Variants in ITGAE observed in about 807,000 individuals in gnomAD.
ITGAE encodes the protein integrin subunit alpha E.
Under a neutral mutation model 136.5 loss-of-function variants are expected in ITGAE, and 99 were observed. The observed-to-expected ratio is 0.73, with a 90% CI of 0.62 to 0.86. ITGAE has a LOEUF of 0.86. Ranked by LOEUF, ITGAE falls within the 40% of genes least tolerant of loss-of-function variation. The pLI, the probability that ITGAE is intolerant of heterozygous loss-of-function variation, is 0.00. For synonymous variants in ITGAE, 613 were observed against 591.8 expected, an observed-to-expected ratio of 1.04 and a Z score of -0.52; for missense variants, 1,447 against 1,515.3, an observed-to-expected ratio of 0.95 and a Z score of 0.75.
intron 20 of ITGAE, among the ~76,000 whole-genome samples, chr17:3,737,877 C>A (rs760361747): frequency 2.4e-4 from 36 of 152,030 alleles, no homozygotes; most frequent in Non-Finnish European, 4.7e-4. Flanking sequence ...CACTAGGGGG[C>A]GATGTAGGGC....
intron 26 of ITGAE, chr17:3,724,208 G>A (rs1232334985): frequency 5.0e-6 from 8 of 1,592,882 alleles, no homozygotes; most frequent in Non-Finnish European, 6.8e-6. Context: ...CCAAGGACCG[G>A]CCCAGCCTGA....
Position 3,723,437 on chromosome 17 carries a change from A to C in ITGAE, c.3142-54T>G, listed in dbSNP as rs1222483087. On this transcript the variant is annotated intron_variant, in intron 27 of 30. Coordinates refer to ENST00000263087, the MANE Select transcript of ITGAE (RefSeq NM_002208.5). ...TTCCTTTCCGTGCGGAAAGTCTGAA[A>C]TCTTTTTAACACTTCGGACACAGAG... 3 of 1,343,242 alleles carry C rather than the reference A, an allele frequency of 2.2e-6. No homozygotes were observed. The East Asian group carries it at 6.9e-5, about 31-fold the overall frequency. 83.2% of individuals were successfully genotyped at this position (1,343,242 alleles called of 1,614,324 possible).
chr17:3,768,793 T>C (rs1484850860), intron 2 of ITGAE, among the ~76,000 whole-genome samples: 2 of 152,168 alleles, frequency 1.3e-5, no homozygotes, highest in African/African-American at 4.8e-5. Flanking sequence ...CACGAGACAG[T>C]AGGCTCCCGA....
chr17:3,750,890 G>A (rs934403572), intron 15 of ITGAE, among the ~76,000 whole-genome samples: 7 of 152,094 alleles, frequency 4.6e-5, no homozygotes, highest in Admixed American at 4.6e-4. Context: ...CTGAAGACAT[G>A]GGGTGGAAGA....
rs2051539689 is a variant in ITGAE at position 3,739,739 on chromosome 17, G to A, written c.2522+66C>T. 2.9e-6 allele frequency: 4 copies of A among 1,369,578 alleles called. No homozygotes were observed. In the South Asian group the frequency reaches 3.5e-5, roughly 12 times the overall value. The allele number at this position is 1,369,578 out of a possible 1,614,324, so 84.8% of individuals were successfully genotyped here. A position where few individuals can be genotyped will look rare whatever the true frequency, so the allele number is the denominator to read the frequency against. On this transcript the variant is annotated intron_variant, in intron 20 of 30. Transcript: ENST00000263087. ...GGGATGTGCAGGGTGTCCTAATGAA[G>A]GAATTGCCCAGGCAAGCGTTCGGGA...
At chr17:3,774,739 T>G (rs973730475) in intron 2 of ITGAE, among the ~76,000 whole-genome samples, 4 of 152,112 alleles carry the variant, frequency 2.6e-5, no homozygotes, top group Admixed American at 2.6e-4. Flanking sequence ...CACTCCAGCC[T>G]GGGTGACAGA....
rs764402907 is a variant in ITGAE, at chr17:3,757,084, G to A, written c.1071C>T (p.Ile357=). 5.0e-6 allele frequency: 8 copies of A among 1,614,022 alleles called. No homozygotes were observed. The highest frequency in any genetic ancestry group is 2.7e-5 in the African/African-American group (2 of 74,918). The part of the protein sequence containing the change: ...SARTARELNL[I]ASDPDETHAF... ...CATGGGTCTCATCCGGGTCTGAGGC[G>A]ATCAGGTTCAGTTCCCTCGCAGTCC... The change falls in exon 10 of 31, where the codon ATC becomes ATT. Residue 357 remains isoleucine (I), a synonymous_variant. Coordinates refer to ENST00000263087, the MANE Select transcript of ITGAE (RefSeq NM_002208.5).
At position 3,799,021 on chromosome 17, in the gene ITGAE, C is replaced by G. The variant is rs2053187954; in HGVS notation, c.34+2090G>C. Among the ~76,000 whole-genome samples the G allele has an allele frequency of 1.3e-5, 2 of 152,272 alleles. No individual in the cohort carries two copies. The highest frequency in any genetic ancestry group is 4.8e-5 in the African/African-American group (2 of 41,544). ...GCCTGGAGAGAGTGGAAGGTCAGGGCCAGGCCAGGCCAGTCCTGGATTCTC... is the reference window on the plus strand; with the variant it reads ...GCCTGGAGAGAGTGGAAGGTCAGGGGCAGGCCAGGCCAGTCCTGGATTCTC... On this transcript the variant is annotated intron_variant, in intron 1 of 30. Coordinates refer to ENST00000263087, the MANE Select transcript of ITGAE (RefSeq NM_002208.5). This position sits in a 1 kb window ranked among gnomAD's most constrained non-coding sequence, Gnocchi z 4.1.
chr17:3,747,600 C>T (rs149483512), intron 17 of ITGAE, among the ~76,000 whole-genome samples: 12 of 152,294 alleles, frequency 7.9e-5, no homozygotes, highest in African/African-American at 2.4e-4. Flanking sequence ...TGAGCCACCG[C>T]GCCCGGCCTT....
At chr17:3,777,751 C>T (rs2052578220) in intron 1 of ITGAE, 91 bp from the exon 2 acceptor site, 31 of 1,441,028 alleles carry the variant, frequency 2.2e-5, no homozygotes, top group African/African-American at 2.8e-5. Flanking sequence ...CGTTTTACAG[C>T]TGAGAAAAGT....
intron 19 of ITGAE, among the ~76,000 whole-genome samples, chr17:3,742,454 T>TG (rs1440949155): frequency 9.4e-5 from 11 of 116,560 alleles, no homozygotes; most frequent in Admixed American, 4.8e-4. Context: ...TGAAGGTTTG[T>TG]GGTTTTTTTT....
At chr17:3,760,405 G>T in intron 6 of ITGAE, 118 bp from the exon 7 acceptor site, 15 of 213,508 alleles carry the variant, frequency 7.0e-5, no homozygotes, top group East Asian at 1.3e-4. Context: ...CAGGGAAGAA[G>T]TTGGAGAAGC....
At chr17:3,722,548 C>T (rs2143007211) in intron 28 of ITGAE, 1 of 151,790 alleles carries the variant, frequency 6.6e-6, no homozygotes, top group East Asian at 1.9e-4. Context: ...TACGTCAGGA[C>T]CTAGAGGAAG....
intron 30 of ITGAE, 135 bp downstream of exon 30, chr17:3,716,553 A>G (rs563915661): frequency 1.5e-6 from 1 of 653,570 alleles, no homozygotes; most frequent in Non-Finnish European, 2.8e-6. Flanking sequence ...GGGGGTGTGC[A>G]GTTGAAGGAG....
intron 18 of ITGAE, among the ~76,000 whole-genome samples, chr17:3,745,173 T>A (rs1461279305): frequency 2.0e-5 from 3 of 152,104 alleles, no homozygotes; most frequent in Non-Finnish European, 4.4e-5. Context: ...TTCCTTTTAG[T>A]TGTTCACTTT....
rs149092226 is a variant in ITGAE, at chr17:3,748,684, T to A, written c.2025-632A>T. ...GATGAGGAGGCATTTCGGTTGAGAT[T>A]TGTTAACAAGAAAGAGCCAGCTGTG... is the stretch of plus-strand genomic sequence containing the variant. On this transcript the variant is annotated intron_variant, in intron 16 of 30. Transcript: ENST00000263087. Among the ~76,000 whole-genome samples, 182 of 152,258 alleles carry A rather than the reference T, an allele frequency of 1.2e-3. 2 individuals are homozygous for A. Among genetic ancestry groups the A allele is most frequent in the Non-Finnish European group, 2.2e-4 (15 of 68,022 alleles).
At chr17:3,785,792 G>GGA (rs577272312) in intron 1 of ITGAE, among the ~76,000 whole-genome samples, 6 of 137,558 alleles carry the variant, frequency 4.4e-5, no homozygotes, top group African/African-American at 1.3e-4. Flanking sequence ...TACTGAACAA[G>GGA]AAAAAAAAAA....
intron 2 of ITGAE, among the ~76,000 whole-genome samples, chr17:3,777,072 T>C (rs1422188617): frequency 2.6e-5 from 4 of 151,814 alleles, no homozygotes; most frequent in African/African-American, 7.3e-5. Context: ...GCCATTCTCC[T>C]GCCTCAGCCT....
chr17:3,748,216 G>A (rs2051768216), intron 16 of ITGAE, among the ~76,000 whole-genome samples, 164 bp from the exon 17 acceptor site: 2 of 152,152 alleles, frequency 1.3e-5, no homozygotes, highest in African/African-American at 2.4e-5. Context: ...TTTCTGCTTT[G>A]GTGGGAAAGC....
Sources: allele counts gnomAD v4.1 joint callset (sites outside exome capture counted in the v4.1 genomes callset), GRCh38; gene constraint gnomAD v4.1.1; non-coding constraint Gnocchi (gnomAD v3.1); transcripts MANE v1.5; gene names NCBI Gene and HGNC (gene_info 2026-07-23, HGNC 2026-07-21).